The following PTPN9 variants were observed in gnomAD, a reference collection of about 807,000 sequenced individuals.
The protein encoded by PTPN9 is protein tyrosine phosphatase non-receptor type 9, also known as tyrosine-protein phosphatase non-receptor type 9.
A neutral mutation model predicts 69.8 loss-of-function variants in PTPN9; 26 were observed. The ratio of observed to expected loss-of-function variants is 0.37; its 90% confidence interval spans 0.27 to 0.52. The LOEUF (loss-of-function observed/expected upper bound fraction) is 0.52. Among genes scored for constraint, PTPN9 ranks in the 20% least tolerant of loss-of-function variants. The pLI is 0.91. For missense variants in PTPN9, 549 were observed against 740.3 expected (o/e 0.74, Z 3.00); for synonymous variants, 274 against 272.5 (o/e 1.01, Z -0.05).
intron 1 of PTPN9, among the ~76,000 whole-genome samples, chr15:75,535,789 G>A (rs1211999346): frequency 6.6e-6 from 1 of 151,948 alleles, no homozygotes; most frequent in Non-Finnish European, 1.5e-5. Flanking sequence ...GATCTCTTCA[G>A]CCCATATTAA....
chr15:75,508,295 C>T (rs188914190), intron 6 of PTPN9, among the ~76,000 whole-genome samples: 22 of 152,162 alleles, frequency 1.4e-4, no homozygotes, highest in African/African-American at 4.6e-4. Context: ...TGGCCTCAAG[C>T]GATCTTCCCG....
At chr15:75,496,694 C>T (rs2074744329) in intron 7 of PTPN9, among the ~76,000 whole-genome samples, 1 of 151,640 alleles carries the variant, frequency 6.6e-6, no homozygotes, top group Admixed American at 6.6e-5. Context: ...ACAGGGTTTC[C>T]ACCTGTCTCT....
intron 1 of PTPN9, among the ~76,000 whole-genome samples, chr15:75,564,130 G>A (rs1215029488): frequency 1.3e-5 from 2 of 151,334 alleles, no homozygotes; most frequent in East Asian, 1.9e-4. Context: ...CCAGGCTGGA[G>A]TGCAGCAGCA....
intron 7 of PTPN9, among the ~76,000 whole-genome samples, chr15:75,503,556 C>G (rs1188865502): frequency 8.0e-6 from 1 of 124,496 alleles, no homozygotes; most frequent in Non-Finnish European, 1.8e-5. Flanking sequence ...GGGGGGTCAG[C>G]CCCCCGCCCG....
intron 4 of PTPN9, among the ~76,000 whole-genome samples, chr15:75,518,319 G>A (rs976146169): frequency 6.6e-6 from 1 of 151,874 alleles, no homozygotes; most frequent in Non-Finnish European, 1.5e-5. Flanking sequence ...GGGAGACAGC[G>A]TGAGATCTTG....
At chr15:75,473,637 G>A in intron 10 of PTPN9, 52 bp downstream of exon 10, 1 of 1,395,652 alleles carries the variant, frequency 7.2e-7, no homozygotes, top group Non-Finnish European at 1.0e-6. Flanking sequence ...AATCACCCAT[G>A]CCTAGGGACA....
At chr15:75,471,894 G>C (rs1017485293) in intron 10 of PTPN9, among the ~76,000 whole-genome samples, 1 of 151,776 alleles carries the variant, frequency 6.6e-6, no homozygotes, top group African/African-American at 2.4e-5. Flanking sequence ...AGTGAGCTGA[G>C]ATCGCACCAC....
rs1211163137 is a variant in PTPN9 at position 75,503,707 on chromosome 15, TC to T, written c.968+1967del. 3.9e-5 allele frequency among the ~76,000 whole-genome samples: 5 copies of T among 128,518 alleles called. No homozygotes were observed. In the South Asian group the frequency reaches 1.1e-3, roughly 28 times the overall value. The allele number at this position is 128,518 out of a possible 152,430, so 84.3% of individuals were successfully genotyped here. ...CCCCTCTGCCTGGCCAGCCACCCCG[TC>T]CGGGAGGGAGGTGGGGGAGTCAGCC... On this transcript the variant is annotated intron_variant, in intron 7 of 12. Transcript: ENST00000618819.
chr15:75,506,049 G>T (rs747898156), intron 6 of PTPN9, 46 bp from the exon 7 acceptor site: 2 of 1,404,134 alleles, frequency 1.4e-6, no homozygotes, highest in African/African-American at 1.4e-5. Flanking sequence ...AGGAGGGAAA[G>T]GCATATAGAG....
At chr15:75,497,981 G>A (rs1036836367) in intron 7 of PTPN9, among the ~76,000 whole-genome samples, 1 of 151,356 alleles carries the variant, frequency 6.6e-6, no homozygotes. Flanking sequence ...CCTGAGGTCA[G>A]GAGTTGGAGA....
chr15:75,568,179 C>A (rs558153539), intron 1 of PTPN9, among the ~76,000 whole-genome samples: 4 of 151,732 alleles, frequency 2.6e-5, no homozygotes, highest in African/African-American at 7.3e-5. Flanking sequence ...CCTGTTCGCA[C>A]CCTCCATGTC....
intron 8 of PTPN9, among the ~76,000 whole-genome samples, chr15:75,481,805 C>A: frequency 7.7e-6 from 1 of 130,156 alleles, no homozygotes; most frequent in African/African-American, 2.9e-5. Flanking sequence ...CTCTGCCCGG[C>A]CAGCCGCCCC....
intron 1 of PTPN9, among the ~76,000 whole-genome samples, chr15:75,576,862 G>C (rs1285676930): frequency 3.3e-5 from 5 of 151,898 alleles, no homozygotes. Flanking sequence ...AAAAAAGAGA[G>C]TACTCTTATG....
chr15:75,482,381 CG>C (rs1345391159), intron 8 of PTPN9, among the ~76,000 whole-genome samples: 1 of 151,916 alleles, frequency 6.6e-6, no homozygotes, highest in East Asian at 1.9e-4. Context: ...CTGGCTAACA[CG>C]GTGAAACCCC....
chr15:75,550,009 A>G (rs1376789511), intron 1 of PTPN9, among the ~76,000 whole-genome samples: 1 of 151,602 alleles, frequency 6.6e-6, no homozygotes. Flanking sequence ...CTGTCTTGAT[A>G]AACTCCTTTT....
At chr15:75,494,862 A>T (rs2074730988) in intron 7 of PTPN9, among the ~76,000 whole-genome samples, 1 of 151,784 alleles carries the variant, frequency 6.6e-6, no homozygotes, top group African/African-American at 2.4e-5. Flanking sequence ...CGTTTCTACC[A>T]CAAATACAAA....
chr15:75,514,667 T>C (rs2074860624), intron 5 of PTPN9, among the ~76,000 whole-genome samples: 2 of 152,192 alleles, frequency 1.3e-5, no homozygotes. Flanking sequence ...TGCGCACACA[T>C]TATATGTGTG....
intron 5 of PTPN9, among the ~76,000 whole-genome samples, chr15:75,516,890 A>ACGCGC (rs1371588475): frequency 6.6e-6 from 1 of 151,456 alleles, no homozygotes; most frequent in Non-Finnish European, 1.5e-5. Flanking sequence ...GACTATAGGC[A>ACGCGC]CGCGCCACCA....
At chr15:75,560,669 C>G (rs1431548179) in intron 1 of PTPN9, among the ~76,000 whole-genome samples, 1 of 152,046 alleles carries the variant, frequency 6.6e-6, no homozygotes, top group East Asian at 1.9e-4. Context: ...CCCAGGAGCA[C>G]GAGACCAGCC....
Sources: allele counts gnomAD v4.1 joint callset (sites outside exome capture counted in the v4.1 genomes callset), GRCh38; gene constraint gnomAD v4.1.1; transcripts MANE v1.5; gene names NCBI Gene and HGNC (gene_info 2026-07-23, HGNC 2026-07-21).